Variants in XKR9 observed in about 807,000 individuals in gnomAD.
XKR9 encodes XK related 9.
In XKR9, 32 loss-of-function variants were observed where a neutral mutation model predicts 32.0. That is an observed-to-expected ratio of 1.00 (90% CI 0.76 to 1.34). XKR9 has a LOEUF of 1.34. Ranked by LOEUF, XKR9 falls within the 40% of genes most tolerant of loss-of-function variation. XKR9 has a pLI of 0.00. For missense variants in XKR9, 546 were observed against 429.7 expected, an observed-to-expected ratio of 1.27 and a Z score of -2.39; for synonymous variants, 168 against 143.4, an observed-to-expected ratio of 1.17 and a Z score of -1.22.
At chr8:70,741,953 G>A (rs1019517014) in intron 2 of XKR9, among the ~76,000 whole-genome samples, 2 of 140,164 alleles carry the variant, frequency 1.4e-5, no homozygotes, top group East Asian at 1.9e-4. Flanking sequence ...TCACCAACAC[G>A]TGTTGTATTC....
chr8:70,762,309 T>C (rs1205808323), intron 2 of XKR9, among the ~76,000 whole-genome samples: 1 of 152,162 alleles, frequency 6.6e-6, no homozygotes, highest in Non-Finnish European at 1.5e-5. Context: ...CAGCCCCTGG[T>C]AACTTCTGTT....
chr8:70,777,463 T>A (rs949706690), intron 2 of XKR9, among the ~76,000 whole-genome samples: 4 of 152,200 alleles, frequency 2.6e-5, no homozygotes, highest in Non-Finnish European at 5.9e-5. Context: ...ATCCTTTGGG[T>A]ATATACCCAG....
chr8:70,711,066 CAAT>C (rs1419588125), intron 4 of XKR9, among the ~76,000 whole-genome samples: 1 of 152,134 alleles, frequency 6.6e-6, no homozygotes, highest in Admixed American at 6.6e-5. Flanking sequence ...ATCAAAACCA[CAAT>C]GAGATACCCT....
intron 2 of XKR9, among the ~76,000 whole-genome samples, chr8:70,744,913 T>G (rs1455822982): frequency 1.3e-5 from 2 of 150,196 alleles, no homozygotes; most frequent in African/African-American, 2.4e-5. Context: ...CCTGAATGAT[T>G]TATTTGCCTA....
At chr8:70,674,015 A>G (rs1402442912) in intron 1 of XKR9, among the ~76,000 whole-genome samples, 2 of 152,146 alleles carry the variant, frequency 1.3e-5, no homozygotes, top group Non-Finnish European at 2.9e-5. Flanking sequence ...TTTAAAGTAT[A>G]TATGGGTTCA....
rs143221708 is a variant in XKR9 at position 70,708,561 on chromosome 8, C to T, written c.493+1408C>T. ...TAATGACACAAGAAAGCAATTATAACGTAGAATGTAGGCAAAACACAGTTT... is the reference window on the plus strand; with the variant it reads ...TAATGACACAAGAAAGCAATTATAATGTAGAATGTAGGCAAAACACAGTTT... On this transcript the variant is annotated intron_variant, in intron 4 of 4. Coordinates refer to ENST00000408926, the MANE Select transcript of XKR9 (RefSeq NM_001011720.2). Among the ~76,000 whole-genome samples, 25 of 152,020 alleles carry T rather than the reference C, an allele frequency of 1.6e-4. No homozygotes were observed. The East Asian group carries it at 3.3e-3, about 20-fold the overall frequency.
At chr8:70,702,157 G>T (rs533912118) in intron 3 of XKR9, among the ~76,000 whole-genome samples, 1 of 152,044 alleles carries the variant, frequency 6.6e-6, no homozygotes, top group Non-Finnish European at 1.5e-5. Context: ...AGGTCATGTA[G>T]TTATGTTCAA....
At chr8:70,815,725 C>G in the XKR9 span, among the ~76,000 whole-genome samples, 2 of 151,966 alleles carry the variant, frequency 1.3e-5, no homozygotes, top group Non-Finnish European at 2.9e-5. Context: ...CGGGATTTCA[C>G]CGTGTTAGCC....
the XKR9 span, among the ~76,000 whole-genome samples, chr8:70,848,932 G>A: frequency 3.3e-5 from 5 of 152,126 alleles, no homozygotes; most frequent in African/African-American, 7.2e-5. Context: ...CAATACAGGA[G>A]CATCCAGATG....
the XKR9 span, among the ~76,000 whole-genome samples, chr8:70,915,724 C>A: frequency 7.9e-5 from 12 of 152,096 alleles, no homozygotes; most frequent in Non-Finnish European, 1.5e-4. Context: ...TTAAAGGAAA[C>A]TAAAATATTA....
At chr8:70,927,266 C>G in the XKR9 span, among the ~76,000 whole-genome samples, 1 of 151,828 alleles carries the variant, frequency 6.6e-6, no homozygotes, top group Non-Finnish European at 1.5e-5. Flanking sequence ...CAGGAGCTAA[C>G]AGAGGAGAGG....
the XKR9 span, among the ~76,000 whole-genome samples, chr8:70,864,310 TTGAG>T: frequency 6.6e-6 from 1 of 152,200 alleles, no homozygotes; most frequent in Non-Finnish European, 1.5e-5. Flanking sequence ...GGCAAATGTC[TTGAG>T]TGTTTTAAGA....
the XKR9 span, among the ~76,000 whole-genome samples, chr8:70,974,574 A>C: frequency 6.6e-6 from 1 of 152,180 alleles, no homozygotes. Context: ...ACATGAACCC[A>C]TCCTTTCTTA....
chr8:70,724,425 G>A (rs1806389701), intron 4 of XKR9, among the ~76,000 whole-genome samples: 1 of 82,822 alleles, frequency 1.2e-5, no homozygotes. Flanking sequence ...GTGCCACTGG[G>A]GTAGGAAAAA....
At chr8:70,676,480 A>G (rs1818893742) in intron 2 of XKR9, among the ~76,000 whole-genome samples, 1 of 152,196 alleles carries the variant, frequency 6.6e-6, no homozygotes, top group Admixed American at 6.5e-5. Context: ...ATAGAGATGA[A>G]CTATTCTTAA....
chr8:70,876,885 AG>A, the XKR9 span, among the ~76,000 whole-genome samples: 10 of 152,174 alleles, frequency 6.6e-5, no homozygotes, highest in African/African-American at 2.2e-4. Flanking sequence ...TAAATAATGT[AG>A]TACTGTTGTG....
chr8:70,773,406 T>C (rs1807479420), intron 2 of XKR9, among the ~76,000 whole-genome samples: 1 of 152,182 alleles, frequency 6.6e-6, no homozygotes, highest in African/African-American at 2.4e-5. Flanking sequence ...TCATAGAGCA[T>C]AGAGCAACAC....
chr8:70,828,448 G>A, the XKR9 span, among the ~76,000 whole-genome samples: 3 of 152,130 alleles, frequency 2.0e-5, no homozygotes, highest in Non-Finnish European at 4.4e-5. Context: ...AGAAAGACTG[G>A]TGGGGGCTGG....
intron 3 of XKR9, among the ~76,000 whole-genome samples, chr8:70,701,804 G>A (rs1805546503): frequency 6.6e-6 from 1 of 152,102 alleles, no homozygotes; most frequent in African/African-American, 2.4e-5. Context: ...TGCCATTACT[G>A]TTCAGGGGTC....
Sources: gnomAD v4.1 joint callset for allele counts (sites outside exome capture counted in the v4.1 genomes callset) on GRCh38, gnomAD v4.1.1 for gene constraint, MANE v1.5 for transcripts, NCBI Gene and HGNC (gene_info 2026-07-23, HGNC 2026-07-21) for gene names.